The following MICAL1 variants were observed in gnomAD, a reference collection of about 807,000 sequenced individuals.
The protein encoded by MICAL1 is microtubule associated monooxygenase, calponin and LIM domain containing 1, also known as [F-actin]-monooxygenase MICAL1.
MICAL1 carries 95 observed loss-of-function variants against 131.8 expected under a neutral mutation model. The observed-to-expected ratio is 0.72, with a 90% CI of 0.61 to 0.86. The LOEUF (loss-of-function observed/expected upper bound fraction) is 0.86. Among genes scored for constraint, MICAL1 ranks in the 40% least tolerant of loss-of-function variants. The pLI is 0.00. For synonymous variants in MICAL1, 546 were observed against 554.2 expected, an observed-to-expected ratio of 0.99 and a Z score of 0.21; for missense variants, 1,292 against 1,380.6, an observed-to-expected ratio of 0.94 and a Z score of 1.02.
upstream of MICAL1, among the ~76,000 whole-genome samples, chr6:109,456,295 C>G (rs1191618487): frequency 6.6e-6 from 1 of 152,156 alleles, no homozygotes; most frequent in Non-Finnish European, 1.5e-5. Flanking sequence ...GCCGGCGGGT[C>G]CGAGGGTGGC....
Position 109,448,241 on chromosome 6 carries a change from T to C in MICAL1, c.1817A>G (p.His606Arg). The change falls in exon 13 of 25, where the codon CAC becomes CGC. Residue 606 changes from histidine to arginine, a missense_variant. Transcript: ENST00000358807. Reference sequence around the variant, plus strand: ...CATGCTCTTGAAGGCACTGTGGAAGTGGCTGAGGTAGGCAATGAGGCCCAG... The same window carrying C: ...CATGCTCTTGAAGGCACTGTGGAAGCGGCTGAGGTAGGCAATGAGGCCCAG... ...DPLGLIAYLSHFHSAFKSMAH... is the reference protein window; with the variant it reads ...DPLGLIAYLSRFHSAFKSMAH... 6.2e-7 allele frequency: 1 copy of C among 1,613,584 alleles called. No homozygotes were observed. The highest frequency in any genetic ancestry group is 1.7e-5 in the Admixed American group (1 of 60,026).
upstream of MICAL1, among the ~76,000 whole-genome samples, chr6:109,456,262 G>C (rs936648593): frequency 1.3e-5 from 2 of 152,224 alleles, no homozygotes; most frequent in South Asian, 4.1e-4. Flanking sequence ...AGGGCGCTCA[G>C]GCTCCTCAAG....
intron 6 of MICAL1, 33 bp downstream of exon 6, chr6:109,452,213 G>T (rs377726815): frequency 1.8e-5 from 28 of 1,593,652 alleles, no homozygotes; most frequent in East Asian, 2.2e-5. Context: ...AGTCAGGCAG[G>T]GGGAGGGGAA....
rs1189187161 is a variant in MICAL1, at chr6:109,445,903, T to C, written c.2582-41A>G. 8.3e-6 allele frequency: 13 copies of C among 1,572,488 alleles called. No homozygotes were observed. In the South Asian group the frequency reaches 1.5e-4, roughly 18 times the overall value. On this transcript the variant is annotated intron_variant, in intron 19 of 24. Coordinates refer to ENST00000358807, the MANE Select transcript of MICAL1 (RefSeq NM_022765.4). ...GAGACGTTCTACTGCCTCCAGCGCC[T>C]GCCCCAGTCAGGCAACAAAGAGCAT...
At position 109,447,892 on chromosome 6, in the gene MICAL1, G is replaced by A. The variant is rs1175147152; in HGVS notation, c.1927C>T (p.Gln643Ter). 6.2e-7 allele frequency: 1 copy of A among 1,613,270 alleles called. No homozygotes were observed. The highest frequency in any genetic ancestry group is 8.5e-7 in the Non-Finnish European group (1 of 1,179,656). Reference sequence around the variant, plus strand: ...CTCTCCACCTTGGCCCGGGATCGCTGCAGGGTCCTCTGAAGTTTACTAAGG... The same window carrying A: ...CTCTCCACCTTGGCCCGGGATCGCTACAGGGTCCTCTGAAGTTTACTAAGG... Reference protein sequence around the residue: ...LFLSKLQRTLQRSRAKENAED... With the variant: ...LFLSKLQRTL The change falls in exon 14 of 25, where the codon CAG becomes TAG. Residue 643 changes from glutamine (Q) to a stop codon, truncating the protein, a stop_gained. Transcript: ENST00000358807. LOFTEE classifies it high-confidence loss of function.
chr6:109,450,225 C>T (rs1775480467), intron 8 of MICAL1, 75 bp downstream of exon 8: 2 of 1,568,516 alleles, frequency 1.3e-6, no homozygotes, highest in East Asian at 4.5e-5. Flanking sequence ...GCAGGCAGAC[C>T]TTTTTATCCC....
chr6:109,447,431 C>T lies in MICAL1; in HGVS notation c.1996G>A (p.Glu666Lys), dbSNP rs753753519. 20 of 1,612,392 alleles carry T rather than the reference C, an allele frequency of 1.2e-5. No homozygotes were observed. Among genetic ancestry groups the T allele is most frequent in the South Asian group, 2.2e-5 (2 of 90,886 alleles). Residue 666 changes from glutamate (E) to lysine (K), a missense_variant, in exon 16 of 25, where the codon GAG (glutamate) becomes AAG (lysine). Glu to Lys is a moderately conservative substitution (Grantham distance 56). Coordinates refer to ENST00000358807, the MANE Select transcript of MICAL1 (RefSeq NM_022765.4). ...GGTGGCACCTCAGTACTTGGGGTCT[C>T]GGCCTCCATCTAAGGAGGTAAGTGC... ...GKKLRLEMEA[E>K]TPSTEVPPDP...
At chr6:109,451,745 G>A (rs1228696578) in intron 6 of MICAL1, 45 bp from the exon 7 acceptor site, 3 of 1,607,512 alleles carry the variant, frequency 1.9e-6, no homozygotes, top group African/African-American at 2.7e-5. Flanking sequence ...TCCTGATAAT[G>A]CATCACCTTC....
At position 109,446,454 on chromosome 6, in the gene MICAL1, C is replaced by T. The variant is rs1428642019; in HGVS notation, c.2305-42G>A. 5 of 623,984 alleles carry T rather than the reference C, an allele frequency of 8.0e-6. No individual in the cohort carries two copies. The East Asian group carries it at 2.6e-4, about 32-fold the overall frequency. 38.7% of individuals were successfully genotyped at this position (623,984 alleles called of 1,614,324 possible). A position where few individuals can be genotyped will look rare whatever the true frequency, so the allele number is the denominator to read the frequency against. ...GTGGAGTGAGGTCGGGGGGTGAGGC[C>T]ACCCCTTCGGAGCAAAGGTGAGCCT... On this transcript the variant is annotated intron_variant, in intron 18 of 24. Coordinates refer to ENST00000358807, the MANE Select transcript of MICAL1 (RefSeq NM_022765.4).
chr6:109,454,788 C>T (rs1008091579), intron 1 of MICAL1: 3 of 153,406 alleles, frequency 2.0e-5, no homozygotes, highest in Non-Finnish European at 4.4e-5. Flanking sequence ...TTTTCCTCAG[C>T]ACTCGTGCTT....
At position 109,448,383 on chromosome 6, in the gene MICAL1, C is replaced by T; in HGVS notation, c.1675G>A (p.Glu559Lys). ...TCCAGAGCTCCCAGCCCCTGCAGCT[C>T]TGAGGGTTCCCTGTGGGATGTCAGG... ...RLQPGLLEPS[E>K]LQGLGALEAT... Residue 559 changes from glutamate (E) to lysine (K), a missense_variant, in exon 13 of 25, where the codon GAG becomes AAG. Glu to Lys is a moderately conservative substitution (Grantham distance 56). Coordinates refer to ENST00000358807, the MANE Select transcript of MICAL1 (RefSeq NM_022765.4). The T allele has an allele frequency of 1.9e-6, 3 of 1,613,488 alleles. No homozygotes were observed. The highest frequency in any genetic ancestry group is 2.5e-6 in the Non-Finnish European group (3 of 1,179,990).
chr6:109,463,796 T>G (rs566957309), intron 1 of MICAL1: 1 of 152,216 alleles, frequency 6.6e-6, no homozygotes, highest in Admixed American at 6.5e-5. Flanking sequence ...ATTTGGCAAA[T>G]GTTGGATTAA....
intron 7 of MICAL1, 66 bp from the exon 8 acceptor site, chr6:109,450,623 C>T (rs1775501257): frequency 1.4e-5 from 21 of 1,514,182 alleles, no homozygotes; most frequent in Non-Finnish European, 1.8e-5. Context: ...CAGTGCCACC[C>T]CCTTGGGCGC....
Position 109,447,208 on chromosome 6 carries a change from C to T in MICAL1, c.2092G>A (p.Ala698Thr). The T allele has an allele frequency of 6.2e-7, 1 of 1,614,096 alleles. No individual in the cohort carries two copies. Among genetic ancestry groups the T allele is most frequent in the Non-Finnish European group, 8.5e-7 (1 of 1,179,954 alleles). The change falls in exon 17 of 25, where the codon GCA becomes ACA. Residue 698 changes from alanine (A) to threonine (T), a missense_variant. Coordinates refer to ENST00000358807, the MANE Select transcript of MICAL1 (RefSeq NM_022765.4). ...HQEAGAGDLC[A>T]LCGEHLYVLE... The stretch of plus-strand genomic sequence containing the variant: ...ACATAGAGGTGTTCCCCACAAAGTG[C>T]ACACAGGTCCCCAGCACCGGCCTGC...
upstream of MICAL1, chr6:109,455,890 G>A: frequency 1.0e-6 from 1 of 985,524 alleles, no homozygotes; most frequent in African/African-American, 1.7e-5. The surrounding 1 kb of genome is among the most constrained non-coding windows in gnomAD (Gnocchi z 4.7). Context: ...GTGGGCTTCC[G>A]CGAGGGGCGC....
In MICAL1 at chr6:109,450,632, G is replaced by A. The variant is rs142045997; in HGVS notation, c.934-75C>T. On this transcript the variant is annotated intron_variant, in intron 7 of 24. Transcript: ENST00000358807. ...GTGGGCCAGTGCCACCCCCTTGGGCGCAGAAGGTGCACATCCTGGGGCCCA... is the reference window on the plus strand; with the variant it reads ...GTGGGCCAGTGCCACCCCCTTGGGCACAGAAGGTGCACATCCTGGGGCCCA... 2.8e-5 allele frequency: 42 copies of A among 1,479,804 alleles called. 1 individual carries two copies. The highest frequency in any genetic ancestry group is 2.4e-4 in the East Asian group (10 of 41,234). The allele number at this position is 1,479,804 out of a possible 1,614,324, so 91.7% of individuals were successfully genotyped here.
chr6:109,447,201 C>A lies in MICAL1; in HGVS notation c.2099G>T (p.Cys700Phe). The A allele has an allele frequency of 6.2e-7, 1 of 1,614,114 alleles. No homozygotes were observed. Among genetic ancestry groups the A allele is most frequent in the Non-Finnish European group, 8.5e-7 (1 of 1,179,944 alleles). ...EAGAGDLCALCGEHLYVLERL... is the reference protein window; with the variant it reads ...EAGAGDLCALFGEHLYVLERL... ...TTCCAGGACATAGAGGTGTTCCCCA[C>A]AAAGTGCACACAGGTCCCCAGCACC... The change falls in exon 17 of 25, where the codon TGT becomes TTT. Residue 700 changes from cysteine (C) to phenylalanine (F), a missense_variant. By Grantham distance (205) the Cys-to-Phe change is radical (BLOSUM62 -2). Coordinates refer to ENST00000358807, the MANE Select transcript of MICAL1 (RefSeq NM_022765.4).
exon 1 of MICAL1, chr6:109,465,944 T>G (rs762591757): frequency 1.9e-6 from 3 of 1,614,222 alleles, no homozygotes; most frequent in Non-Finnish European, 1.7e-6. Context: ...GGTGCTGAGC[T>G]GGATCTGAAG....
chr6:109,450,503 G>A lies in MICAL1; in HGVS notation c.988C>T (p.Leu330=), dbSNP rs778509585. ...GCAGCTGCCCGGGTAAAGCGCTGCA[G>A]AGCCTCGGGCACCACATTGGCACTG... ...LGSANVVPEA[L]QRFTRAAADF... The change falls in exon 8 of 25, where the codon CTG becomes TTG. Residue 330 remains leucine (L), a synonymous_variant. Transcript: ENST00000358807. 1.2e-6 allele frequency: 2 copies of A among 1,613,074 alleles called. No individual in the cohort carries two copies. The highest frequency in any genetic ancestry group is 8.5e-7 in the Non-Finnish European group (1 of 1,179,868).
Sources: allele counts gnomAD v4.1 joint callset (sites outside exome capture counted in the v4.1 genomes callset), GRCh38; gene constraint gnomAD v4.1.1; non-coding constraint Gnocchi (gnomAD v3.1); transcripts MANE v1.5; gene names NCBI Gene and HGNC (gene_info 2026-07-23, HGNC 2026-07-21).